KCNK9: variants seen among roughly 807,000 people sequenced by gnomAD.
The protein encoded by KCNK9 is potassium two pore domain channel subfamily K member 9.
KCNK9 carries 1 observed loss-of-function variant against 10.8 expected under a neutral mutation model. The ratio of observed to expected loss-of-function variants is 0.09; its 90% CI spans 0.03 to 0.44. The LOEUF is 0.44. Ranked by LOEUF, KCNK9 falls within the 20% of genes least tolerant of loss-of-function variation. The pLI is 0.97. For synonymous variants in KCNK9, 231 were observed against 222.7 expected (o/e 1.04, Z -0.33); for missense variants, 303 against 515.0 (o/e 0.59, Z 3.98).
At chr8:139,674,125 T>A (rs1816496618) in intron 1 of KCNK9, among the ~76,000 whole-genome samples, 1 of 152,168 alleles carries the variant, frequency 6.6e-6, no homozygotes, top group Admixed American at 6.5e-5. Context: ...AGTTCTTATG[T>A]TGAAGCCCTA....
chr8:139,669,735 A>T (rs1816382879), intron 1 of KCNK9, among the ~76,000 whole-genome samples: 1 of 152,254 alleles, frequency 6.6e-6, no homozygotes, highest in African/African-American at 2.4e-5. Context: ...TACGAATCAC[A>T]AATGTTTTTA....
At chr8:139,614,391 G>A (rs1586628249), downstream of KCNK9, among the ~76,000 whole-genome samples, 1 of 152,344 alleles carries the variant, frequency 6.6e-6, no homozygotes, top group East Asian at 1.9e-4. Flanking sequence ...CTCCTGAAAG[G>A]ATGATGGACC....
intron 1 of KCNK9, among the ~76,000 whole-genome samples, chr8:139,694,753 G>A (rs1586698057): frequency 7.1e-6 from 1 of 140,960 alleles, no homozygotes; most frequent in East Asian, 2.3e-4. Flanking sequence ...CCACCCCATT[G>A]CCACCTACTG....
chr8:139,696,175 C>T (rs1051159570), intron 1 of KCNK9, among the ~76,000 whole-genome samples: 2 of 152,152 alleles, frequency 1.3e-5, no homozygotes, highest in Non-Finnish European at 2.9e-5. Flanking sequence ...TAAACACATC[C>T]ACTACCACTT....
At chr8:139,674,806 G>A (rs1378317890) in intron 1 of KCNK9, among the ~76,000 whole-genome samples, 1 of 152,164 alleles carries the variant, frequency 6.6e-6, no homozygotes, top group African/African-American at 2.4e-5. Context: ...TCAGCCCGGG[G>A]TGGGGCCTGC....
At chr8:139,646,149 G>T (rs13439334) in intron 1 of KCNK9, among the ~76,000 whole-genome samples, 6,541 of 151,906 alleles carry the variant, frequency 0.043, 510 homozygotes, top group East Asian at 0.37. Flanking sequence ...GACTGAACTA[G>T]ATGTCACCTC....
At chr8:139,691,035 C>T (rs1355571850) in intron 1 of KCNK9, among the ~76,000 whole-genome samples, 1 of 152,218 alleles carries the variant, frequency 6.6e-6, no homozygotes, top group African/African-American at 2.4e-5. Flanking sequence ...ACTGCCTGAC[C>T]CACACCCATG....
chr8:139,660,497 T>C (rs1006257668), intron 1 of KCNK9, among the ~76,000 whole-genome samples: 1 of 150,856 alleles, frequency 6.6e-6, no homozygotes, highest in African/African-American at 2.4e-5. Context: ...GGTGCACGCC[T>C]ATAATCCCAG....
intron 1 of KCNK9, among the ~76,000 whole-genome samples, chr8:139,644,133 G>A (rs1351363652): frequency 1.3e-5 from 2 of 152,344 alleles, no homozygotes; most frequent in South Asian, 2.1e-4. Flanking sequence ...ACTGTGGGAT[G>A]TAGGTGCCAT....
intron 1 of KCNK9, among the ~76,000 whole-genome samples, chr8:139,650,263 C>T (rs1393948276): frequency 6.6e-6 from 1 of 152,210 alleles, no homozygotes; most frequent in Non-Finnish European, 1.5e-5. Context: ...TTCTGCTAAC[C>T]AGGCAGAGCC....
intron 1 of KCNK9, among the ~76,000 whole-genome samples, chr8:139,684,066 G>A (rs1045570151): frequency 6.6e-5 from 10 of 152,296 alleles, no homozygotes; most frequent in African/African-American, 2.4e-4. Context: ...AGTCAAAGAA[G>A]CCCAGGTCCC....
At chr8:139,682,453 G>A (rs146313266) in intron 1 of KCNK9, among the ~76,000 whole-genome samples, 1 of 152,170 alleles carries the variant, frequency 6.6e-6, no homozygotes, top group Non-Finnish European at 1.5e-5. Context: ...GGAACTTCAG[G>A]GACACATAGG....
exon 3 of KCNK9, chr8:139,601,349 G>T (rs1181130056): frequency 6.6e-6 from 1 of 152,230 alleles, no homozygotes; most frequent in Non-Finnish European, 1.5e-5. Context: ...CTCTTTGGAT[G>T]AATGAGTCGG....
At chr8:139,648,156 G>T (rs535100548) in intron 1 of KCNK9, among the ~76,000 whole-genome samples, 1 of 152,306 alleles carries the variant, frequency 6.6e-6, no homozygotes, top group South Asian at 2.1e-4. Context: ...AGTGAAGAAA[G>T]CCACACATGA....
chr8:139,689,222 G>A (rs1032201449), intron 1 of KCNK9, among the ~76,000 whole-genome samples: 2 of 152,214 alleles, frequency 1.3e-5, no homozygotes, highest in African/African-American at 4.8e-5. Context: ...TGCTGCTTAA[G>A]TCACCCTGTC....
intron 1 of KCNK9, among the ~76,000 whole-genome samples, chr8:139,649,938 G>C (rs1424853269): frequency 6.6e-6 from 1 of 152,214 alleles, no homozygotes; most frequent in African/African-American, 2.4e-5. Flanking sequence ...GAAAGAGGTG[G>C]GTGTGGGAGG....
At chr8:139,613,286 T>A (rs1274886177), downstream of KCNK9, among the ~76,000 whole-genome samples, 1 of 152,186 alleles carries the variant, frequency 6.6e-6, no homozygotes, top group Non-Finnish European at 1.5e-5. Context: ...GACCATTCTT[T>A]GTAATTCTGG....
At chr8:139,678,538 G>A (rs1001320105) in intron 1 of KCNK9, among the ~76,000 whole-genome samples, 19 of 152,266 alleles carry the variant, frequency 1.2e-4, no homozygotes, top group Admixed American at 1.3e-4. Flanking sequence ...ATGAGGCTCA[G>A]GAAGCCAGAT....
intron 2 of KCNK9, chr8:139,602,176 C>A (rs7012654): frequency 6.6e-6 from 1 of 152,174 alleles, no homozygotes; most frequent in East Asian, 1.9e-4. Context: ...ATCACATGAC[C>A]GCACCCACCC....
Sources: gnomAD v4.1 joint callset for allele counts (sites outside exome capture counted in the v4.1 genomes callset) on GRCh38, gnomAD v4.1.1 for gene constraint, MANE v1.5 for transcripts, NCBI Gene and HGNC (gene_info 2026-07-23, HGNC 2026-07-21) for gene names.